The following ATP6V1H variants were observed in gnomAD, a reference collection of about 807,000 sequenced individuals.
The protein encoded by ATP6V1H is ATPase H+ transporting V1 subunit H, also known as V-type proton ATPase subunit H.
A neutral mutation model predicts 71.7 loss-of-function variants in ATP6V1H; 39 were observed. The observed-to-expected ratio is 0.54, with a 90% confidence interval of 0.42 to 0.71. The LOEUF (loss-of-function observed/expected upper bound fraction) is 0.71. Ranked by LOEUF, ATP6V1H falls within the 30% of genes least tolerant of loss-of-function variation. The pLI, the probability that ATP6V1H is intolerant of heterozygous loss-of-function variation, is 0.00. For missense variants in ATP6V1H, 509 were observed against 594.9 expected (o/e 0.86, Z 1.50); for synonymous variants, 192 against 199.3 (o/e 0.96, Z 0.31).
Position 53,841,745 on chromosome 8 carries a change from T to C in ATP6V1H, c.-35-20A>G, listed in dbSNP as rs2130552952. 2 of 1,595,658 alleles carry C rather than the reference T, an allele frequency of 1.3e-6. No individual in the cohort carries two copies. Among genetic ancestry groups the C allele is most frequent in the Non-Finnish European group, 1.7e-6 (2 of 1,170,316 alleles). On this transcript the variant is annotated intron_variant, in intron 1 of 13. Coordinates refer to ENST00000359530, the MANE Select transcript of ATP6V1H (RefSeq NM_015941.4). Reference sequence around the variant, plus strand: ...ACAAATCTTCAATTTTGATGCAAGGTAAAAACAGAATACGAGGTGTTTCTT... The same window carrying C: ...ACAAATCTTCAATTTTGATGCAAGGCAAAAACAGAATACGAGGTGTTTCTT...
chr8:53,749,603 C>T (rs183887556), intron 12 of ATP6V1H, among the ~76,000 whole-genome samples: 141 of 152,168 alleles, frequency 9.3e-4, no homozygotes, highest in African/African-American at 3.3e-3. Flanking sequence ...TTTTAGGCCA[C>T]GGGCAGGTGG....
intron 9 of ATP6V1H, among the ~76,000 whole-genome samples, chr8:53,774,961 G>A (rs555418543): frequency 2.0e-5 from 3 of 152,330 alleles, no homozygotes; most frequent in East Asian, 3.9e-4. Context: ...CCTATGCAAC[G>A]CAAGTGTGTC....
chr8:53,826,900 G>A (rs1056872344), intron 4 of ATP6V1H, among the ~76,000 whole-genome samples: 1 of 151,198 alleles, frequency 6.6e-6, no homozygotes, highest in African/African-American at 2.4e-5. Flanking sequence ...TGCGGTGAGC[G>A]GGGGTTGCAC....
At position 53,772,116 on chromosome 8, in the gene ATP6V1H, C is replaced by T; in HGVS notation, c.922G>A (p.Ala308Thr). The part of the protein sequence containing the change: ...ERETRQEYAL[A>T]MIQCKVLKQL... ...TTCAGAACTTTGCACTGAATCATAG[C>T]CAGGGCATATTCTTGGCGAGTTTCT... The change falls in exon 10 of 14, where the codon GCT becomes ACT. Residue 308 changes from alanine to threonine, a missense_variant. Coordinates refer to ENST00000359530, the MANE Select transcript of ATP6V1H (RefSeq NM_015941.4). 6.2e-7 allele frequency: 1 copy of T among 1,613,952 alleles called. No homozygotes were observed. Among genetic ancestry groups the T allele is most frequent in the Non-Finnish European group, 8.5e-7 (1 of 1,179,948 alleles).
At chr8:53,839,878 C>T in intron 2 of ATP6V1H, 1 of 985,526 alleles carries the variant, frequency 1.0e-6, no homozygotes, top group Non-Finnish European at 1.2e-6. Context: ...AGGATCAAGT[C>T]CAAACTCCTT....
At chr8:53,830,105 G>A (rs1169108705) in intron 3 of ATP6V1H, among the ~76,000 whole-genome samples, 1 of 152,186 alleles carries the variant, frequency 6.6e-6, no homozygotes, top group Non-Finnish European at 1.5e-5. Context: ...ATAGGCAGCA[G>A]AATTGAACCT....
At position 53,722,889 on chromosome 8, in the gene ATP6V1H, CCA is replaced by C. The variant is rs562945585; in HGVS notation, c.1392-6867_1392-6866del. On this transcript the variant is annotated intron_variant, in intron 13 of 13. Transcript: ENST00000359530. ...ATAACATAAGAAAGCTCAACTAAAT[CCA>C]CAGTGAAGAAACAATATTTTAGAAG... Among the ~76,000 whole-genome samples, 319 of 152,254 alleles carry C rather than the reference CCA, an allele frequency of 2.1e-3. 1 individual carries two copies. The highest frequency in any genetic ancestry group is 7.2e-3 in the African/African-American group (300 of 41,536).
intron 13 of ATP6V1H, among the ~76,000 whole-genome samples, chr8:53,734,749 C>T (rs1178887622): frequency 1.3e-5 from 2 of 152,124 alleles, no homozygotes; most frequent in East Asian, 1.9e-4. Context: ...CTCAGAGGCT[C>T]GGAAAGCTGC....
intron 7 of ATP6V1H, among the ~76,000 whole-genome samples, chr8:53,810,647 G>A (rs1456186027): frequency 6.6e-6 from 1 of 152,168 alleles, no homozygotes; most frequent in Non-Finnish European, 1.5e-5. Context: ...GGCTGAGGCA[G>A]GAGAATTAAT....
chr8:53,791,030 G>A (rs1447651592), intron 9 of ATP6V1H, among the ~76,000 whole-genome samples: 1 of 151,546 alleles, frequency 6.6e-6, no homozygotes, highest in African/African-American at 2.4e-5. Flanking sequence ...AAAGATTTTG[G>A]CAAAATAAAG....
chr8:53,769,518 A>G (rs1808581454), intron 11 of ATP6V1H, 100 bp downstream of exon 11: 4 of 1,218,984 alleles, frequency 3.3e-6, no homozygotes, highest in African/African-American at 3.1e-5. Flanking sequence ...AATACAAATT[A>G]AAACCATAGA....
chr8:53,833,372 T>C (rs2130530696), intron 2 of ATP6V1H, among the ~76,000 whole-genome samples: 1 of 152,300 alleles, frequency 6.6e-6, no homozygotes, highest in African/African-American at 2.4e-5. Flanking sequence ...AGGTGGTTAG[T>C]AGCATGTGGC....
rs202160599 is a variant in ATP6V1H at position 53,772,133 on chromosome 8, C to A, written c.905G>T (p.Arg302Leu). 6.2e-7 allele frequency: 1 copy of A among 1,612,946 alleles called. No homozygotes were observed. ...AATCATAGCCAGGGCATATTCTTGGCGAGTTTCTCTTTCAGTTGATTTTTC... is the reference window on the plus strand; with the variant it reads ...AATCATAGCCAGGGCATATTCTTGGAGAGTTTCTCTTTCAGTTGATTTTTC... ...FLEKSTERET[R>L]QEYALAMIQC... The change falls in exon 10 of 14, where the codon CGC becomes CTC. Residue 302 changes from arginine to leucine, a missense_variant. This residue lies in a region of ATP6V1H where 212 missense variants were observed against 291.6 expected (regional missense o/e 0.73). Coordinates refer to ENST00000359530, the MANE Select transcript of ATP6V1H (RefSeq NM_015941.4).
chr8:53,718,589 C>A (rs1170626187), intron 13 of ATP6V1H, among the ~76,000 whole-genome samples: 1 of 152,038 alleles, frequency 6.6e-6, no homozygotes, highest in African/African-American at 2.4e-5. Context: ...AGGGTTTCGT[C>A]ATGTTGTCCA....
At chr8:53,757,919 T>A (rs958519229) in intron 11 of ATP6V1H, among the ~76,000 whole-genome samples, 1 of 152,234 alleles carries the variant, frequency 6.6e-6, no homozygotes, top group African/African-American at 2.4e-5. Flanking sequence ...TTTAGTCTGA[T>A]AACATGTATA....
chr8:53,766,834 T>A (rs1273771083), intron 11 of ATP6V1H, among the ~76,000 whole-genome samples: 1 of 152,216 alleles, frequency 6.6e-6, no homozygotes, highest in Non-Finnish European at 1.5e-5. Flanking sequence ...TAAGATGTTA[T>A]CAATGACAAT....
rs910650883 is a variant in ATP6V1H at position 53,715,800 on chromosome 8, G to A, written c.*164C>T. ...CACCTACTTTTATACAACTTAACAG[G>A]CAAACATGTTATTTTGTTGTTGTTG... On this transcript the variant is annotated 3_prime_UTR_variant, in exon 14 of 14. Coordinates refer to ENST00000359530, the MANE Select transcript of ATP6V1H (RefSeq NM_015941.4). 29 of 532,070 alleles carry A rather than the reference G, an allele frequency of 5.5e-5. No individual in the cohort carries two copies. The highest frequency in any genetic ancestry group is 1.5e-4 in the Admixed American group (4 of 26,962). 33.0% of individuals were successfully genotyped at this position (532,070 alleles called of 1,614,324 possible).
chr8:53,734,828 A>C (rs1176094634), intron 13 of ATP6V1H, among the ~76,000 whole-genome samples: 1 of 151,988 alleles, frequency 6.6e-6, no homozygotes, highest in Non-Finnish European at 1.5e-5. Flanking sequence ...GTACCTACTT[A>C]TTCTAATGAA....
At chr8:53,747,229 T>C (rs2130202223) in intron 12 of ATP6V1H, among the ~76,000 whole-genome samples, 1 of 152,296 alleles carries the variant, frequency 6.6e-6, no homozygotes, top group South Asian at 2.1e-4. Flanking sequence ...TATCACACTA[T>C]AACATATTAT....
Sources: gnomAD v4.1 joint callset for allele counts (sites outside exome capture counted in the v4.1 genomes callset) on GRCh38, gnomAD v4.1.1 for gene constraint, gnomAD v4.1.1 regional missense constraint, MANE v1.5 for transcripts, NCBI Gene and HGNC (gene_info 2026-07-23, HGNC 2026-07-21) for gene names.